Variants in NDRG3 observed in about 807,000 individuals in gnomAD.
The protein encoded by NDRG3 is NDRG family member 3, also known as protein NDRG3.
A neutral mutation model predicts 57.2 loss-of-function variants in NDRG3; 23 were observed. The ratio of observed to expected loss-of-function variants is 0.40; its 90% CI spans 0.29 to 0.57. The LOEUF is 0.57. NDRG3 is among the 20% of genes least tolerant of loss of function. The pLI is 0.42. For missense variants in NDRG3, 384 were observed against 457.3 expected (o/e 0.84, Z 1.46); for synonymous variants, 132 against 162.6 (o/e 0.81, Z 1.43).
At chr20:36,657,195 G>A (rs1251690045) in intron 13 of NDRG3, among the ~76,000 whole-genome samples, 1 of 152,082 alleles carries the variant, frequency 6.6e-6, no homozygotes, top group African/African-American at 2.4e-5. Context: ...GTTCGAGATT[G>A]TGCATTTCTG....
chr20:36,689,429 G>A (rs1982072364), intron 3 of NDRG3, among the ~76,000 whole-genome samples: 1 of 152,144 alleles, frequency 6.6e-6, no homozygotes, highest in South Asian at 2.1e-4. Flanking sequence ...AAAGGAAATG[G>A]AAGATATGAA....
intron 1 of NDRG3, among the ~76,000 whole-genome samples, chr20:36,725,332 G>A (rs527344358): frequency 2.6e-5 from 4 of 151,584 alleles, no homozygotes; most frequent in South Asian, 2.1e-4. Context: ...GAAATTGGCC[G>A]GGAATGGTGG....
At chr20:36,697,647 G>A (rs1451411064) in intron 3 of NDRG3, among the ~76,000 whole-genome samples, 1 of 151,662 alleles carries the variant, frequency 6.6e-6, no homozygotes, top group Non-Finnish European at 1.5e-5. Flanking sequence ...GGCGGAGGTT[G>A]CAGTGGGCCA....
Position 36,688,796 on chromosome 20 carries a change from G to C in NDRG3, c.94-12C>G. 6.3e-7 allele frequency: 1 copy of C among 1,594,962 alleles called. No homozygotes were observed. The highest frequency in any genetic ancestry group is 8.6e-7 in the Non-Finnish European group (1 of 1,162,678). ...TCTATATCATGTTCCTGTAACAAGA[G>C]AATGTAAGTTCTCAGAAAAAGCAGA... On this transcript the variant is annotated splice_polypyrimidine_tract_variant and intron_variant, in intron 3 of 15. Transcript: ENST00000349004.
In NDRG3 at chr20:36,715,004, GTGTATATATATATATATATATATA is replaced by G. The variant is rs1295407267; in HGVS notation, c.57+6651_57+6674del. ...TATCTGTGTGTGTGTGTGTGTGTGTGTGTATATATATATATATATATATATATATATATATATATATATATATAT... is the reference window on the plus strand; with the variant it reads ...TATCTGTGTGTGTGTGTGTGTGTGTGTATATATATATATATATATATATAT... On this transcript the variant is annotated intron_variant, in intron 2 of 15. Transcript: ENST00000349004. 5.7e-3 allele frequency among the ~76,000 whole-genome samples: 185 copies of G among 32,494 alleles called. 5 individuals are homozygous for G. The highest frequency in any genetic ancestry group is 0.023 in the South Asian group (19 of 822). 21.3% of individuals were successfully genotyped at this position (32,494 alleles called of 152,430 possible).
At chr20:36,671,918 A>C (rs192783098) in intron 8 of NDRG3, among the ~76,000 whole-genome samples, 3 of 152,304 alleles carry the variant, frequency 2.0e-5, no homozygotes. Flanking sequence ...TTGCAGGGTA[A>C]TAATAAAGCC....
intron 6 of NDRG3, among the ~76,000 whole-genome samples, chr20:36,683,561 G>A (rs1258903256): frequency 6.6e-6 from 1 of 151,812 alleles, no homozygotes; most frequent in Non-Finnish European, 1.5e-5. Context: ...AGGCTGCAGT[G>A]AGCTGCGATC....
intron 9 of NDRG3, among the ~76,000 whole-genome samples, chr20:36,666,937 A>C (rs1174989927): frequency 6.6e-6 from 1 of 152,106 alleles, no homozygotes; most frequent in Non-Finnish European, 1.5e-5. Context: ...GGGTTCAAGC[A>C]ATTCTCCTGC....
chr20:36,695,960 C>T (rs528400507), intron 3 of NDRG3, among the ~76,000 whole-genome samples: 1 of 152,254 alleles, frequency 6.6e-6, no homozygotes, highest in African/African-American at 2.4e-5. Context: ...GATGTCTCCC[C>T]CCGGACACCC....
intron 1 of NDRG3, among the ~76,000 whole-genome samples, chr20:36,729,133 C>T (rs541087873): frequency 6.6e-6 from 1 of 152,276 alleles, no homozygotes; most frequent in East Asian, 1.9e-4. Flanking sequence ...TTTACCCAGC[C>T]TGTGGCACCT....
rs369426579 is a variant in NDRG3 at position 36,668,480 on chromosome 20, A to G, written c.589-2088T>C. On this transcript the variant is annotated intron_variant, in intron 9 of 15. Transcript: ENST00000349004. ...TGAGCATTATTCATGTTTAAAAACCATGTTTGTTTCCATTTCAAATTAATA... is the reference window on the plus strand; with the variant it reads ...TGAGCATTATTCATGTTTAAAAACCGTGTTTGTTTCCATTTCAAATTAATA... 1.1e-4 allele frequency: 16 copies of G among 152,276 alleles called. No individual in the cohort carries two copies. The East Asian group carries it at 2.9e-3, about 28-fold the overall frequency. 9.4% of individuals were successfully genotyped at this position (152,276 alleles called of 1,614,324 possible).
At chr20:36,725,517 G>A (rs1381160940) in intron 1 of NDRG3, among the ~76,000 whole-genome samples, 3 of 149,852 alleles carry the variant, frequency 2.0e-5, no homozygotes, top group African/African-American at 7.4e-5. Flanking sequence ...CAGGAGAATC[G>A]CTTGAGCCTG....
At chr20:36,743,196 A>T (rs2148238683) in intron 1 of NDRG3, among the ~76,000 whole-genome samples, 1 of 152,348 alleles carries the variant, frequency 6.6e-6, no homozygotes, top group Admixed American at 6.5e-5. Context: ...GTAACAATTT[A>T]GAATAAAACA....
Position 36,654,915 on chromosome 20 carries a change from A to G in NDRG3, c.947-1214T>C, listed in dbSNP as rs1600845656. 10 of 775,596 alleles carry G rather than the reference A, an allele frequency of 1.3e-5. No individual in the cohort carries two copies. In the East Asian group the frequency reaches 2.4e-4, roughly 19 times the overall value. The allele number at this position is 775,596 out of a possible 1,614,324, so 48.0% of individuals were successfully genotyped here. A position where few individuals can be genotyped will look rare whatever the true frequency, so the allele number is the denominator to read the frequency against. ...CAAGTGGCAACCTCAGCTGCCTGGT[A>G]GACACTGACAGAATACTCTAAGCCA... On this transcript the variant is annotated intron_variant, in intron 15 of 15. Coordinates refer to ENST00000349004, the MANE Select transcript of NDRG3 (RefSeq NM_032013.4).
rs558327205 is a variant in NDRG3, at chr20:36,697,736, G to A, written c.94-8952C>T. ...AAAAAAAAAAAAAAGATTTAATACT[G>A]CATCTTTACATTTGTTTACATTTCT... is the stretch of plus-strand genomic sequence containing the variant. On this transcript the variant is annotated intron_variant, in intron 3 of 15. Transcript: ENST00000349004. Among the ~76,000 whole-genome samples, 12 of 151,256 alleles carry A rather than the reference G, an allele frequency of 7.9e-5. 1 individual carries two copies. The South Asian group carries it at 2.3e-3, about 29-fold the overall frequency.
At chr20:36,664,194 A>G (rs1201426972) in intron 12 of NDRG3, among the ~76,000 whole-genome samples, 1 of 152,176 alleles carries the variant, frequency 6.6e-6, no homozygotes, top group Non-Finnish European at 1.5e-5. Flanking sequence ...CTGATTATAT[A>G]ATGGAAAAAT....
chr20:36,660,298 A>G, intron 13 of NDRG3, 39 bp downstream of exon 13: 36 of 1,451,572 alleles, frequency 2.5e-5, no homozygotes, highest in Non-Finnish European at 3.3e-5. Flanking sequence ...AATCTGAAGC[A>G]CATATAAGGG....
At chr20:36,670,252 T>A (rs1255394924) in intron 9 of NDRG3, among the ~76,000 whole-genome samples, 2 of 152,164 alleles carry the variant, frequency 1.3e-5, no homozygotes, top group African/African-American at 4.8e-5. Flanking sequence ...ACTTAGGATG[T>A]GTGCATTACA....
intron 13 of NDRG3, among the ~76,000 whole-genome samples, chr20:36,657,035 T>C (rs1978735231): frequency 1.3e-5 from 2 of 152,226 alleles, no homozygotes; most frequent in Non-Finnish European, 1.5e-5. Context: ...TTTCACTTCA[T>C]AAACATTTAC....
Sources: gnomAD v4.1 joint callset for allele counts (sites outside exome capture counted in the v4.1 genomes callset) on GRCh38, gnomAD v4.1.1 for gene constraint, MANE v1.5 for transcripts, NCBI Gene and HGNC (gene_info 2026-07-23, HGNC 2026-07-21) for gene names.